The following SYNPR variants were observed in gnomAD, a reference collection of about 807,000 sequenced individuals.
SYNPR encodes synaptoporin.
A neutral mutation model predicts 32.9 loss-of-function variants in SYNPR; 23 were observed. That is an observed-to-expected ratio of 0.70 (90% CI 0.50 to 0.99). SYNPR has a LOEUF of 0.99. Among genes scored for constraint, SYNPR ranks in the 50% least tolerant of loss-of-function variants. The probability of loss-of-function intolerance (pLI) is 0.00; values close to 1 mark genes in which losing one functional copy is unlikely to be tolerated. For missense variants in SYNPR, 318 were observed against 349.3 expected (o/e 0.91, Z 0.71); for synonymous variants, 146 against 135.9 (o/e 1.07, Z -0.52).
At chr3:63,391,578 C>T (rs531946485) in intron 2 of SYNPR, among the ~76,000 whole-genome samples, 2 of 152,312 alleles carry the variant, frequency 1.3e-5, no homozygotes, top group Admixed American at 1.3e-4. Context: ...ATGTATGATA[C>T]ATACCTATTG....
chr3:63,612,607 G>C (rs1700215753), intron 5 of SYNPR, among the ~76,000 whole-genome samples: 1 of 152,156 alleles, frequency 6.6e-6, no homozygotes, highest in South Asian at 2.1e-4. Context: ...TAGCAAAAAA[G>C]AGTTCAAGGG....
At chr3:63,301,639 CATATT>C (rs143065222) in intron 2 of SYNPR, among the ~76,000 whole-genome samples, 5,884 of 152,070 alleles carry the variant, frequency 0.039, 343 homozygotes, top group African/African-American at 0.13. Context: ...CTGAAAATGA[CATATT>C]ATAATTTGTA....
the SYNPR span, among the ~76,000 whole-genome samples, chr3:63,207,933 A>G: frequency 2.0e-5 from 3 of 152,148 alleles, no homozygotes; most frequent in Non-Finnish European, 4.4e-5. Flanking sequence ...AGAAAAGCCA[A>G]TTTGGTATTC....
chr3:63,575,850 G>T (rs895108982), intron 4 of SYNPR, among the ~76,000 whole-genome samples: 2 of 152,150 alleles, frequency 1.3e-5, no homozygotes, highest in African/African-American at 4.8e-5. Flanking sequence ...TTGGAAGAAA[G>T]ATACTGAGGC....
At chr3:63,255,572 A>G (rs1027825656) in intron 2 of SYNPR, among the ~76,000 whole-genome samples, 7 of 152,250 alleles carry the variant, frequency 4.6e-5, no homozygotes, top group African/African-American at 1.7e-4. Flanking sequence ...GCTATCATTC[A>G]TTCCATCAGT....
chr3:63,464,656 G>A (rs1014666614), intron 2 of SYNPR, among the ~76,000 whole-genome samples: 6 of 151,882 alleles, frequency 4.0e-5, no homozygotes, highest in Admixed American at 1.3e-4. Flanking sequence ...TACTTTCTGG[G>A]CAACTACTAC....
intron 3 of SYNPR, among the ~76,000 whole-genome samples, chr3:63,528,587 G>A (rs563289220): frequency 8.5e-5 from 13 of 152,146 alleles, no homozygotes; most frequent in African/African-American, 2.6e-4. Flanking sequence ...TTGAGTCAGG[G>A]TTTATTCACA....
chr3:63,532,671 C>T (rs1046146215), intron 3 of SYNPR, among the ~76,000 whole-genome samples: 1 of 152,212 alleles, frequency 6.6e-6, no homozygotes. Flanking sequence ...AAGAAACACA[C>T]TGGCCCCAAT....
intron 2 of SYNPR, among the ~76,000 whole-genome samples, chr3:63,340,548 T>C (rs1156260330): frequency 6.7e-6 from 1 of 149,182 alleles, no homozygotes; most frequent in Non-Finnish European, 1.5e-5. Context: ...GCCTCCCAAG[T>C]AGCTGGGACT....
At chr3:63,539,945 C>A (rs192209571) in intron 3 of SYNPR, among the ~76,000 whole-genome samples, 7 of 152,254 alleles carry the variant, frequency 4.6e-5, no homozygotes, top group African/African-American at 1.7e-4. Context: ...CTTTCCCACA[C>A]TTCCAGCTGT....
intron 3 of SYNPR, among the ~76,000 whole-genome samples, chr3:63,490,435 G>T (rs1701237160): frequency 6.6e-6 from 1 of 152,076 alleles, no homozygotes; most frequent in African/African-American, 2.4e-5. Context: ...TGTGGCTAAT[G>T]AAAGTAAATT....
At chr3:63,305,408 G>T (rs1429676765) in intron 2 of SYNPR, among the ~76,000 whole-genome samples, 1 of 152,004 alleles carries the variant, frequency 6.6e-6, no homozygotes, top group Non-Finnish European at 1.5e-5. Context: ...CCCAGCAGTT[G>T]ACAACCAATA....
At chr3:63,346,354 T>C (rs2087437061) in intron 2 of SYNPR, among the ~76,000 whole-genome samples, 2 of 152,194 alleles carry the variant, frequency 1.3e-5, no homozygotes, top group Non-Finnish European at 2.9e-5. Context: ...ACTGTTGAAG[T>C]ATGCGCTGTT....
chr3:63,435,992 G>A (rs900777034), intron 2 of SYNPR, among the ~76,000 whole-genome samples: 1 of 152,148 alleles, frequency 6.6e-6, no homozygotes, highest in Non-Finnish European at 1.5e-5. Flanking sequence ...ATGTTTACCT[G>A]TTTCACCACT....
rs138534916 is a variant in SYNPR at position 63,293,224 on chromosome 3, C to G, written c.84+14482C>G. On this transcript the variant is annotated intron_variant, in intron 2 of 5. Coordinates refer to ENST00000478300, the MANE Select transcript of SYNPR (RefSeq NM_001130003.2). ...TCAAGTCACATAGGTGGTAAGTGAC[C>G]AAGGCAGGGTTTCAAATCATATCTA... Among the ~76,000 whole-genome samples, 215 of 152,192 alleles carry G rather than the reference C, an allele frequency of 1.4e-3. 1 individual carries two copies. The highest frequency in any genetic ancestry group is 5.1e-3 in the African/African-American group (210 of 41,524).
intron 3 of SYNPR, among the ~76,000 whole-genome samples, chr3:63,508,386 G>C (rs941419658): frequency 7.9e-5 from 12 of 152,150 alleles, no homozygotes; most frequent in African/African-American, 2.9e-4. Flanking sequence ...GTAAATTATA[G>C]TAAGAAGTGA....
In SYNPR at chr3:63,616,291, T is replaced by C. The variant is rs1184893797; in HGVS notation, c.*810T>C. The C allele has an allele frequency of 3.3e-5, 5 of 152,248 alleles. No individual in the cohort carries two copies. Among genetic ancestry groups the C allele is most frequent in the Non-Finnish European group, 1.5e-5 (1 of 68,050 alleles). The allele number at this position is 152,248 out of a possible 1,614,324, so 9.4% of individuals were successfully genotyped here. ...AAATATTTGCATTCTTGTAACCTTC[T>C]ATGGTGTTTTGTGGCTCTTATCTTG... On this transcript the variant is annotated 3_prime_UTR_variant, in exon 6 of 6. Coordinates refer to ENST00000478300, the MANE Select transcript of SYNPR (RefSeq NM_001130003.2).
intron 3 of SYNPR, among the ~76,000 whole-genome samples, chr3:63,490,877 C>T (rs1489327701): frequency 6.6e-6 from 1 of 152,072 alleles, no homozygotes; most frequent in African/African-American, 2.4e-5. Context: ...ATTCTCCATG[C>T]CTCAGCCTCC....
At chr3:63,374,111 C>T (rs1401211124) in intron 2 of SYNPR, among the ~76,000 whole-genome samples, 1 of 152,140 alleles carries the variant, frequency 6.6e-6, no homozygotes, top group Non-Finnish European at 1.5e-5. Context: ...CCAATACCAG[C>T]CACTACAATT....
Sources: gnomAD v4.1 joint callset for allele counts (sites outside exome capture counted in the v4.1 genomes callset) on GRCh38, gnomAD v4.1.1 for gene constraint, MANE v1.5 for transcripts, NCBI Gene and HGNC (gene_info 2026-07-23, HGNC 2026-07-21) for gene names.